The following PTPRA variants were observed in gnomAD, a reference collection of about 807,000 sequenced individuals.
PTPRA encodes the protein receptor-type tyrosine-protein phosphatase alpha.
PTPRA carries 25 observed loss-of-function variants against 104.8 expected under a neutral mutation model. The ratio of observed to expected loss-of-function variants is 0.24; its 90% CI spans 0.17 to 0.33. The LOEUF (loss-of-function observed/expected upper bound fraction) is 0.33. Among genes scored for constraint, PTPRA ranks in the 10% least tolerant of loss-of-function variants. The probability of loss-of-function intolerance (pLI) is 1.00; values close to 1 mark genes in which losing one functional copy is unlikely to be tolerated. For missense variants in PTPRA, 765 were observed against 1,015.3 expected (o/e 0.75, Z 3.35); for synonymous variants, 323 against 368.9 (o/e 0.88, Z 1.43).
intron 3 of PTPRA, chr20:2,955,831 C>T (rs533713375): frequency 8.4e-5 from 23 of 273,198 alleles, no homozygotes; most frequent in Middle Eastern, 3.7e-3. Context: ...TTTTGGCTTT[C>T]TGCCTGACTT....
chr20:3,020,142 T>G (rs1366071534), intron 13 of PTPRA, among the ~76,000 whole-genome samples: 2 of 152,056 alleles, frequency 1.3e-5, no homozygotes, highest in African/African-American at 2.4e-5. Context: ...GGAGTCTCGC[T>G]CTGTCGCCCA....
At chr20:2,992,937 T>C (rs933328257) in intron 9 of PTPRA, among the ~76,000 whole-genome samples, 1 of 152,156 alleles carries the variant, frequency 6.6e-6, no homozygotes, top group African/African-American at 2.4e-5. Flanking sequence ...TTCAAAAAAT[T>C]AGCTGGGCAT....
rs747984308 is a variant in PTPRA at position 2,980,597 on chromosome 20, C to G, written c.442+5356C>G. 5.6e-4 allele frequency among the ~76,000 whole-genome samples: 85 copies of G among 152,110 alleles called. 1 individual carries two copies. The highest frequency in any genetic ancestry group is 2.7e-3 in the Admixed American group (42 of 15,282). ...TGCAGCAGTGGCTCACGCACATAAT[C>G]ATAGCATTTTGGGAGGCCAAGGCAA... On this transcript the variant is annotated intron_variant, in intron 6 of 23. Transcript: ENST00000399903.
At chr20:3,020,377 C>T (rs1243725974) in intron 13 of PTPRA, among the ~76,000 whole-genome samples, 5 of 152,198 alleles carry the variant, frequency 3.3e-5, no homozygotes, top group African/African-American at 9.6e-5. Context: ...GGATTATAGG[C>T]GTGAGCCACC....
intron 6 of PTPRA, among the ~76,000 whole-genome samples, chr20:2,980,712 AT>A (rs975375962): frequency 1.3e-4 from 20 of 152,098 alleles, no homozygotes; most frequent in Non-Finnish European, 2.5e-4. Flanking sequence ...AAGAAAAAAA[AT>A]TTTTTTAAAT....
intron 10 of PTPRA, among the ~76,000 whole-genome samples, chr20:3,006,576 ATAAG>A (rs2063883525): frequency 6.6e-6 from 1 of 152,256 alleles, no homozygotes; most frequent in South Asian, 2.1e-4. Context: ...TCACATTTTT[ATAAG>A]TGAAGTATGG....
At chr20:2,955,809 C>A in intron 3 of PTPRA, 1 of 442,770 alleles carries the variant, frequency 2.3e-6, no homozygotes, top group Non-Finnish European at 3.0e-6. Context: ...ATAGAGCTGT[C>A]TTCTTCCCTT....
At chr20:2,865,543 C>T in the PTPRA span, 257 of 1,561,614 alleles carry the variant, frequency 1.6e-4, 3 homozygotes, top group East Asian at 3.8e-3. The surrounding 1 kb of genome is among the most constrained non-coding windows in gnomAD (Gnocchi z 5.2). Flanking sequence ...GGGTAGTCTT[C>T]GGGAGAGAGG....
At chr20:2,968,872 A>G (rs1331831863) in intron 5 of PTPRA, among the ~76,000 whole-genome samples, 4 of 151,916 alleles carry the variant, frequency 2.6e-5, no homozygotes, top group Non-Finnish European at 5.9e-5. Flanking sequence ...CTGTGATCGC[A>G]CCACCGTACT....
rs1034671722 is a variant in PTPRA at position 2,960,826 on chromosome 20, C to T, written c.-6-3446C>T. ...TGTTGGGATTACAGGCATGAGTCAC[C>T]GCACCTGGCCTTTTTTATTTTCTTT... On this transcript the variant is annotated intron_variant, in intron 3 of 23. Coordinates refer to ENST00000399903, the MANE Select transcript of PTPRA (RefSeq NM_001385305.1). Among the ~76,000 whole-genome samples, 10 of 151,746 alleles carry T rather than the reference C, an allele frequency of 6.6e-5. No individual in the cohort carries two copies. In the East Asian group the frequency reaches 9.7e-4, roughly 15 times the overall value.
chr20:2,950,503 C>T lies in PTPRA; in HGVS notation c.-7+2479C>T, dbSNP rs374796182. On this transcript the variant is annotated intron_variant, in intron 3 of 23. Transcript: ENST00000399903. This position sits in a 1 kb window ranked among gnomAD's most constrained non-coding sequence, Gnocchi z 4.0. ...AATACAAAAAAAAAAATTAGCCGGG[C>T]GTGGTGGCAGGCACCTGTAGTCCCA... Among the ~76,000 whole-genome samples, 13 of 151,866 alleles carry T rather than the reference C, an allele frequency of 8.6e-5. 1 individual carries two copies. The East Asian group carries it at 1.2e-3, about 14-fold the overall frequency.
At chr20:2,965,274 T>C in intron 5 of PTPRA, 72 bp downstream of exon 5, 1 of 1,403,956 alleles carries the variant, frequency 7.1e-7, no homozygotes, top group Non-Finnish European at 9.6e-7. Flanking sequence ...TGTTTGTGTT[T>C]TCTAGCCTTA....
intron 1 of PTPRA, among the ~76,000 whole-genome samples, chr20:2,880,777 T>A (rs1253783626): frequency 6.6e-6 from 1 of 152,144 alleles, no homozygotes; most frequent in Non-Finnish European, 1.5e-5. Context: ...TCCCACTGTT[T>A]TGGGAGCCTG....
At chr20:3,033,139 G>A (rs954232021) in intron 20 of PTPRA, among the ~76,000 whole-genome samples, 1 of 151,824 alleles carries the variant, frequency 6.6e-6, no homozygotes, top group Non-Finnish European at 1.5e-5. Flanking sequence ...CAGTCCTATG[G>A]CTTTAAGTAC....
At chr20:2,874,851 C>G (rs2089609356) in intron 1 of PTPRA, among the ~76,000 whole-genome samples, 1 of 152,160 alleles carries the variant, frequency 6.6e-6, no homozygotes, top group African/African-American at 2.4e-5. Context: ...CTAATCGGAT[C>G]CTCCAATTCT....
intron 2 of PTPRA, among the ~76,000 whole-genome samples, chr20:2,927,632 CT>C (rs2060350439): frequency 6.6e-6 from 1 of 152,184 alleles, no homozygotes; most frequent in Non-Finnish European, 1.5e-5. Flanking sequence ...ATTTTCCTTA[CT>C]GGTTTTTCTT....
intron 11 of PTPRA, among the ~76,000 whole-genome samples, chr20:3,010,614 C>G (rs906108916): frequency 1.3e-5 from 2 of 151,566 alleles, no homozygotes; most frequent in Non-Finnish European, 2.9e-5. Flanking sequence ...GGCGACAGAG[C>G]GAGACTCTGT....
intron 1 of PTPRA, among the ~76,000 whole-genome samples, chr20:2,922,905 G>C (rs1250372928): frequency 1.3e-5 from 2 of 151,976 alleles, no homozygotes; most frequent in African/African-American, 4.8e-5. Flanking sequence ...AAAGTGCTGG[G>C]ATTACAGGCA....
intron 1 of PTPRA, among the ~76,000 whole-genome samples, chr20:2,919,737 T>C (rs1213453460): frequency 6.6e-6 from 1 of 151,940 alleles, no homozygotes; most frequent in Non-Finnish European, 1.5e-5. Flanking sequence ...AATGATTGAC[T>C]CTAGGGCTAA....
Sources: allele counts gnomAD v4.1 joint callset (sites outside exome capture counted in the v4.1 genomes callset), GRCh38; gene constraint gnomAD v4.1.1; non-coding constraint Gnocchi (gnomAD v3.1); transcripts MANE v1.5; gene names NCBI Gene and HGNC (gene_info 2026-07-23, HGNC 2026-07-21).